NLK: variants seen among roughly 807,000 people sequenced by gnomAD.
NLK encodes nemo like kinase.
In NLK, 11 loss-of-function variants were observed where a neutral mutation model predicts 59.0. That is an observed-to-expected ratio of 0.19 (90% CI 0.12 to 0.31). The LOEUF is 0.31. Among genes scored for constraint, NLK ranks in the 10% least tolerant of loss-of-function variants. The probability of loss-of-function intolerance (pLI) is 1.00; values close to 1 mark genes in which losing one functional copy is unlikely to be tolerated. For synonymous variants in NLK, 235 were observed against 235.9 expected (o/e 1.00, Z 0.03); for missense variants, 410 against 661.1 (o/e 0.62, Z 4.16).
intron 1 of NLK, among the ~76,000 whole-genome samples, chr17:28,070,884 T>C (rs1159386510): frequency 1.3e-5 from 2 of 152,198 alleles, no homozygotes; most frequent in Non-Finnish European, 2.9e-5. Flanking sequence ...CAATTGACTA[T>C]ATAAATATAG....
intron 7 of NLK, among the ~76,000 whole-genome samples, chr17:28,178,780 C>T (rs1245737055): frequency 6.6e-6 from 1 of 152,174 alleles, no homozygotes; most frequent in Non-Finnish European, 1.5e-5. Flanking sequence ...CCCCAGAGTG[C>T]TTACTATTGT....
At chr17:28,154,546 G>A (rs1196282374) in intron 3 of NLK, among the ~76,000 whole-genome samples, 1 of 152,062 alleles carries the variant, frequency 6.6e-6, no homozygotes, top group African/African-American at 2.4e-5. Context: ...ACATCCAGTG[G>A]CAGGAGATGA....
intron 4 of NLK, among the ~76,000 whole-genome samples, chr17:28,161,874 TG>T (rs1908018751): frequency 1.3e-5 from 2 of 152,184 alleles, no homozygotes; most frequent in Admixed American, 1.3e-4. Flanking sequence ...ATGAGAATTT[TG>T]CCATTACAAG....
At chr17:28,059,729 G>T (rs889490829) in intron 1 of NLK, among the ~76,000 whole-genome samples, 1 of 151,912 alleles carries the variant, frequency 6.6e-6, no homozygotes, top group Non-Finnish European at 1.5e-5. Context: ...TTAACAACAG[G>T]CTCTCTGAAA....
At chr17:28,145,857 A>C (rs760984459) in intron 3 of NLK, among the ~76,000 whole-genome samples, 2 of 151,968 alleles carry the variant, frequency 1.3e-5, no homozygotes, top group Non-Finnish European at 2.9e-5. Context: ...AGGTGCCCGC[A>C]ACCACACCTG....
At chr17:28,113,663 T>C (rs1905624524) in intron 1 of NLK, among the ~76,000 whole-genome samples, 1 of 152,186 alleles carries the variant, frequency 6.6e-6, no homozygotes, top group African/African-American at 2.4e-5. Context: ...TGCAACCTGT[T>C]TTACCAGCAC....
At position 28,194,784 on chromosome 17, in the gene NLK, A is replaced by G. The variant is rs1262444712; in HGVS notation, c.*148A>G. The stretch of plus-strand genomic sequence containing the variant: ...CCACTACTTGTATGATATGAATAAT[A>G]TTTAGAAATGTTACTAGACTTTTAA... On this transcript the variant is annotated 3_prime_UTR_variant, in exon 11 of 11. Coordinates refer to ENST00000407008, the MANE Select transcript of NLK (RefSeq NM_016231.5). The G allele has an allele frequency of 2.2e-6, 1 of 446,284 alleles. No homozygotes were observed. The highest frequency in any genetic ancestry group is 4.0e-6 in the Non-Finnish European group (1 of 249,002). The allele number at this position is 446,284 out of a possible 1,614,324, so 27.6% of individuals were successfully genotyped here. A position where few individuals can be genotyped will look rare whatever the true frequency, so the allele number is the denominator to read the frequency against.
intron 1 of NLK, among the ~76,000 whole-genome samples, chr17:28,060,459 A>T (rs1230661281): frequency 6.6e-6 from 1 of 152,180 alleles, no homozygotes; most frequent in Non-Finnish European, 1.5e-5. Context: ...AAAAATAGAG[A>T]CAGGGTTTCA....
intron 1 of NLK, among the ~76,000 whole-genome samples, chr17:28,093,661 C>T (rs1247256411): frequency 2.0e-5 from 3 of 152,120 alleles, no homozygotes; most frequent in African/African-American, 4.8e-5. Context: ...ATTCTTAGGA[C>T]GGAAGCAATC....
At chr17:28,194,031 A>G (rs971148043) in intron 10 of NLK, among the ~76,000 whole-genome samples, 3 of 152,204 alleles carry the variant, frequency 2.0e-5, no homozygotes, top group South Asian at 2.1e-4. Context: ...TAGATCACCA[A>G]TGCTAAATGA....
intron 1 of NLK, among the ~76,000 whole-genome samples, chr17:28,108,479 C>T (rs1905299955): frequency 6.6e-6 from 1 of 151,782 alleles, no homozygotes. Context: ...GTTATATATC[C>T]AGAAAATCTG....
chr17:28,102,858 G>A lies in NLK; in HGVS notation c.459-19745G>A, dbSNP rs906775606. On this transcript the variant is annotated intron_variant, in intron 1 of 10. Transcript: ENST00000407008. ...TGGGACAGAAGTTTACTTCAGGGGG[G>A]CATCAGCTTTGTCTTATTCCTCTTT... Among the ~76,000 whole-genome samples the A allele has an allele frequency of 2.6e-5, 4 of 152,210 alleles. No homozygotes were observed. The East Asian group carries it at 7.7e-4, about 29-fold the overall frequency.
At chr17:28,063,499 G>T (rs1909734958) in intron 1 of NLK, among the ~76,000 whole-genome samples, 3 of 151,626 alleles carry the variant, frequency 2.0e-5, no homozygotes, top group South Asian at 4.2e-4. Flanking sequence ...TCAATTTTTT[G>T]AACTGTTTTG....
intron 7 of NLK, among the ~76,000 whole-genome samples, chr17:28,176,924 C>A (rs946044745): frequency 6.6e-6 from 1 of 152,130 alleles, no homozygotes; most frequent in Non-Finnish European, 1.5e-5. Flanking sequence ...ACTCCACCCC[C>A]CTAACCCCCT....
chr17:28,087,675 G>C (rs899477994), intron 1 of NLK, among the ~76,000 whole-genome samples: 12 of 151,882 alleles, frequency 7.9e-5, no homozygotes, highest in African/African-American at 2.9e-4. Flanking sequence ...AACAGGGATT[G>C]GGCTTTGAAT....
chr17:28,073,189 A>C (rs1910064256), intron 1 of NLK, among the ~76,000 whole-genome samples: 1 of 152,162 alleles, frequency 6.6e-6, no homozygotes, highest in Non-Finnish European at 1.5e-5. Flanking sequence ...TTACTCTTCT[A>C]CCAAGAACCA....
chr17:28,156,773 A>G (rs748698759), intron 3 of NLK, among the ~76,000 whole-genome samples: 1 of 152,196 alleles, frequency 6.6e-6, no homozygotes, highest in Admixed American at 6.5e-5. Context: ...AGTGGTGTGC[A>G]TATCACAAAC....
chr17:28,192,977 A>G (rs1909362120), intron 10 of NLK, among the ~76,000 whole-genome samples: 1 of 152,220 alleles, frequency 6.6e-6, no homozygotes, highest in African/African-American at 2.4e-5. Flanking sequence ...ATGAACCTAC[A>G]TTGGAAGTTA....
At chr17:28,141,571 A>G (rs1007335510) in intron 3 of NLK, among the ~76,000 whole-genome samples, 101 of 152,220 alleles carry the variant, frequency 6.6e-4, no homozygotes, top group African/African-American at 2.4e-3. Flanking sequence ...ATTGAGCAGA[A>G]GGACATTTGA....
Sources: gnomAD v4.1 joint callset for allele counts (sites outside exome capture counted in the v4.1 genomes callset) on GRCh38, gnomAD v4.1.1 for gene constraint, MANE v1.5 for transcripts, NCBI Gene and HGNC (gene_info 2026-07-23, HGNC 2026-07-21) for gene names.